The following MACROD2 variants were observed in gnomAD, a reference collection of about 807,000 sequenced individuals.
MACROD2 encodes the protein ADP-ribose glycohydrolase MACROD2.
Under a neutral mutation model 70.4 loss-of-function variants are expected in MACROD2, and 36 were observed. The observed-to-expected ratio is 0.51, with a 90% CI of 0.39 to 0.68. The LOEUF (loss-of-function observed/expected upper bound fraction) is 0.68. MACROD2 is among the 30% of genes least tolerant of loss of function. The probability of loss-of-function intolerance (pLI) is 0.00; values close to 1 mark genes in which losing one functional copy is unlikely to be tolerated. For synonymous variants in MACROD2, 172 were observed against 178.8 expected (o/e 0.96, Z 0.30); for missense variants, 496 against 538.4 (o/e 0.92, Z 0.78).
At chr20:14,181,933 A>C (rs997496995) in intron 3 of MACROD2, among the ~76,000 whole-genome samples, 1 of 152,248 alleles carries the variant, frequency 6.6e-6, no homozygotes, top group Non-Finnish European at 1.5e-5. Flanking sequence ...GCTATTGTGA[A>C]TAATTCTTCT....
At chr20:14,920,392 T>A (rs867933885) in intron 5 of MACROD2, among the ~76,000 whole-genome samples, 1 of 152,202 alleles carries the variant, frequency 6.6e-6, no homozygotes, top group Non-Finnish European at 1.5e-5. Context: ...TTATCTAATG[T>A]TTCCTAAATG....
At chr20:14,317,301 T>C (rs1206152718) in intron 3 of MACROD2, among the ~76,000 whole-genome samples, 1 of 152,162 alleles carries the variant, frequency 6.6e-6, no homozygotes, top group Non-Finnish European at 1.5e-5. Flanking sequence ...TTTTTCACTT[T>C]ATATTCCTTT....
chr20:14,213,077 G>T (rs1304631252), intron 3 of MACROD2, among the ~76,000 whole-genome samples: 11 of 151,814 alleles, frequency 7.2e-5, no homozygotes, highest in Non-Finnish European at 1.6e-4. Flanking sequence ...TTTCTTGTTT[G>T]TAACCACACA....
At chr20:14,672,954 C>T (rs1388953263) in intron 4 of MACROD2, among the ~76,000 whole-genome samples, 2 of 152,142 alleles carry the variant, frequency 1.3e-5, no homozygotes, top group African/African-American at 2.4e-5. Context: ...AGTTTCAGTG[C>T]ATTTTTTCAT....
chr20:15,223,104 T>C (rs1173571116), intron 5 of MACROD2, among the ~76,000 whole-genome samples: 1 of 152,198 alleles, frequency 6.6e-6, no homozygotes, highest in Non-Finnish European at 1.5e-5. Flanking sequence ...GAAGCTGATT[T>C]ACAGACTGAT....
intron 8 of MACROD2, among the ~76,000 whole-genome samples, chr20:15,687,582 C>G (rs2050244435): frequency 6.6e-6 from 1 of 152,102 alleles, no homozygotes; most frequent in Non-Finnish European, 1.5e-5. Flanking sequence ...TCAAACAGAA[C>G]AGATGAAGCC....
chr20:15,094,427 G>A (rs1219385442), intron 5 of MACROD2, among the ~76,000 whole-genome samples: 6 of 152,092 alleles, frequency 3.9e-5, no homozygotes, highest in African/African-American at 1.4e-4. Context: ...AAATGTATTA[G>A]TAGAGGAATA....
At chr20:14,790,224 T>C (rs1209048115) in intron 5 of MACROD2, among the ~76,000 whole-genome samples, 1 of 152,070 alleles carries the variant, frequency 6.6e-6, no homozygotes, top group Non-Finnish European at 1.5e-5. Context: ...TGCCATAGCC[T>C]TCTGTGAGCT....
At chr20:14,279,886 G>A (rs2082292471) in intron 3 of MACROD2, among the ~76,000 whole-genome samples, 1 of 152,126 alleles carries the variant, frequency 6.6e-6, no homozygotes, top group African/African-American at 2.4e-5. Flanking sequence ...AAGTTAGTTT[G>A]TCACATGGGG....
rs938868137 is a variant in MACROD2, at chr20:16,051,104, A to G, written c.*1228A>G. On this transcript the variant is annotated 3_prime_UTR_variant, in exon 18 of 18. Transcript: ENST00000684519. ...CATCACCAATATCTATCCTAGAGCC[A>G]GTATAAGGCCAGATGCCTACTTCCC... 4.4e-4 allele frequency: 67 copies of G among 152,230 alleles called. 1 individual carries two copies. The highest frequency in any genetic ancestry group is 1.5e-3 in the African/African-American group (62 of 41,454). The allele number at this position is 152,230 out of a possible 1,614,324, so 9.4% of individuals were successfully genotyped here.
intron 3 of MACROD2, among the ~76,000 whole-genome samples, chr20:14,230,527 G>T (rs1157654219): frequency 1.3e-5 from 2 of 150,084 alleles, no homozygotes; most frequent in Admixed American, 1.3e-4. Context: ...TAGTTCTCTT[G>T]CTATTTTTAC....
intron 8 of MACROD2, among the ~76,000 whole-genome samples, chr20:15,784,871 G>A (rs1050414302): frequency 1.3e-5 from 2 of 151,958 alleles, no homozygotes; most frequent in African/African-American, 4.8e-5. Context: ...GGAGTAGGCC[G>A]GGTGCGGTGG....
At position 15,454,657 on chromosome 20, in the gene MACROD2, G is replaced by A. The variant is rs369909621; in HGVS notation, c.571+23222G>A. ...AACATTCCAGGCCAAGTTTCCAGCAGTCACGCTGGCTCTCTTCATAAATCT... is the reference window on the plus strand; with the variant it reads ...AACATTCCAGGCCAAGTTTCCAGCAATCACGCTGGCTCTCTTCATAAATCT... On this transcript the variant is annotated intron_variant, in intron 7 of 17. Coordinates refer to ENST00000684519, the MANE Select transcript of MACROD2 (RefSeq NM_001351661.2). 4.0e-4 allele frequency among the ~76,000 whole-genome samples: 25 copies of A among 62,624 alleles called. 4 individuals are homozygous for A. The highest frequency in any genetic ancestry group is 6.7e-4 in the Non-Finnish European group (20 of 29,666). The allele number at this position is 62,624 out of a possible 152,430, so 41.1% of individuals were successfully genotyped here. A position where few individuals can be genotyped will look rare whatever the true frequency, so the allele number is the denominator to read the frequency against.
At chr20:15,752,889 A>G (rs769429614) in intron 8 of MACROD2, among the ~76,000 whole-genome samples, 1 of 152,168 alleles carries the variant, frequency 6.6e-6, no homozygotes, top group Non-Finnish European at 1.5e-5. Flanking sequence ...AACTATGAAA[A>G]TAAGATTTAG....
intron 4 of MACROD2, among the ~76,000 whole-genome samples, chr20:14,586,691 C>T (rs909597058): frequency 2.1e-4 from 32 of 152,166 alleles, no homozygotes; most frequent in African/African-American, 7.5e-4. Context: ...TCTTGCTTTA[C>T]AAAAGTTAGT....
chr20:15,163,671 T>G (rs887469461), intron 5 of MACROD2, among the ~76,000 whole-genome samples: 9 of 152,048 alleles, frequency 5.9e-5, no homozygotes, highest in African/African-American at 1.9e-4. Context: ...CCTGTTTGAG[T>G]ATGACCCTCA....
At chr20:15,733,304 T>C (rs185345016) in intron 8 of MACROD2, among the ~76,000 whole-genome samples, 71 of 152,300 alleles carry the variant, frequency 4.7e-4, no homozygotes, top group African/African-American at 1.6e-3. Context: ...AACCAGTTTT[T>C]GGTTTCACTG....
chr20:15,348,944 GA>G (rs1417739214), intron 6 of MACROD2, among the ~76,000 whole-genome samples: 2 of 151,722 alleles, frequency 1.3e-5, no homozygotes, highest in African/African-American at 4.8e-5. Context: ...TCAGTTTAAG[GA>G]AAAAAAGAAT....
intron 3 of MACROD2, among the ~76,000 whole-genome samples, chr20:14,255,225 G>T (rs1367558653): frequency 6.6e-6 from 1 of 152,048 alleles, no homozygotes; most frequent in Non-Finnish European, 1.5e-5. Flanking sequence ...ACACAGACTG[G>T]CAAATTGGAT....
Sources: gnomAD v4.1 joint callset for allele counts (sites outside exome capture counted in the v4.1 genomes callset) on GRCh38, gnomAD v4.1.1 for gene constraint, MANE v1.5 for transcripts, NCBI Gene and HGNC (gene_info 2026-07-23, HGNC 2026-07-21) for gene names.